WNT7B: variants seen among roughly 807,000 people sequenced by gnomAD.
WNT7B encodes protein Wnt-7b.
A neutral mutation model predicts 38.2 loss-of-function variants in WNT7B; 19 were observed. The observed-to-expected ratio is 0.50, with a 90% CI of 0.35 to 0.73. The LOEUF (loss-of-function observed/expected upper bound fraction) is 0.73, where lower values mean the gene tolerates loss of function less well. Among genes scored for constraint, WNT7B ranks in the 30% least tolerant of loss-of-function variants. The pLI, the probability that WNT7B is intolerant of heterozygous loss-of-function variation, is 0.01. For missense variants in WNT7B, 423 were observed against 507.9 expected (o/e 0.83, Z 1.61); for synonymous variants, 243 against 209.3 (o/e 1.16, Z -1.39).
At chr22:45,929,659 C>T (rs867944931) in intron 3 of WNT7B, among the ~76,000 whole-genome samples, 1,743 of 96,582 alleles carry the variant, frequency 0.018, 47 homozygotes, top group African/African-American at 0.08. Context: ...CATCCTTCCA[C>T]CCACCCGCCC....
At chr22:45,974,858 A>G (rs964798180) in intron 1 of WNT7B, among the ~76,000 whole-genome samples, 5 of 152,104 alleles carry the variant, frequency 3.3e-5, no homozygotes, top group Non-Finnish European at 1.5e-5. Context: ...CTGTTTACAG[A>G]AGGGACCAGG....
At chr22:45,929,517 C>G (rs1018709972) in intron 3 of WNT7B, among the ~76,000 whole-genome samples, 1 of 139,450 alleles carries the variant, frequency 7.2e-6, no homozygotes, top group African/African-American at 2.6e-5. Flanking sequence ...CCAATACTTC[C>G]GTCCATCTTT....
At chr22:45,955,442 T>C (rs1932035979) in intron 1 of WNT7B, among the ~76,000 whole-genome samples, 1 of 152,210 alleles carries the variant, frequency 6.6e-6, no homozygotes, top group Non-Finnish European at 1.5e-5. Context: ...GGGCCGGCCA[T>C]GGGCACCCTC....
At chr22:45,967,089 G>C (rs925616432) in intron 1 of WNT7B, among the ~76,000 whole-genome samples, 1 of 152,204 alleles carries the variant, frequency 6.6e-6, no homozygotes, top group Non-Finnish European at 1.5e-5. Context: ...GACAAGGAAG[G>C]GGGGAGGGAG....
intron 2 of WNT7B, among the ~76,000 whole-genome samples, chr22:45,933,803 A>G (rs1204723579): frequency 5.9e-5 from 9 of 152,166 alleles, no homozygotes; most frequent in Non-Finnish European, 1.3e-4. Flanking sequence ...CGGCCTGGGC[A>G]CACAGAGGCA....
rs896541888 is a variant in WNT7B, at chr22:45,966,767, T to C, written c.71+9917A>G. 2.0e-5 allele frequency among the ~76,000 whole-genome samples: 3 copies of C among 152,192 alleles called. No individual in the cohort carries two copies. Among genetic ancestry groups the C allele is most frequent in the African/African-American group, 4.8e-5 (2 of 41,452 alleles). On this transcript the variant is annotated intron_variant, in intron 1 of 3. Transcript: ENST00000339464. The surrounding 1 kb of genome is among the most constrained non-coding windows in gnomAD (Gnocchi z 4.2). ...AGCCTGGGGATGGAGGAAGTGTCGA[T>C]GGCCCTGTGCCAAGCCTCACTTGCC...
intron 3 of WNT7B, among the ~76,000 whole-genome samples, chr22:45,928,254 C>A (rs947071343): frequency 6.6e-6 from 1 of 152,130 alleles, no homozygotes; most frequent in Non-Finnish European, 1.5e-5. Flanking sequence ...GGGCTAGGGC[C>A]CCAGCACCAA....
chr22:45,975,549 A>T lies in WNT7B; in HGVS notation c.71+1135T>A. 1 of 716,964 alleles carries T rather than the reference A, an allele frequency of 1.4e-6. No homozygotes were observed. Among genetic ancestry groups the T allele is most frequent in the Non-Finnish European group, 2.6e-6 (1 of 384,774 alleles). 44.4% of individuals were successfully genotyped at this position (716,964 alleles called of 1,614,324 possible). Reference sequence around the variant, plus strand: ...CTTGGGCCTCAGTTTCTCCACCTGTAAAATGGCGGGGCAGACATGGGATGG... The same window carrying T: ...CTTGGGCCTCAGTTTCTCCACCTGTTAAATGGCGGGGCAGACATGGGATGG... On this transcript the variant is annotated intron_variant, in intron 1 of 3. Transcript: ENST00000339464. The surrounding 1 kb of genome is among the most constrained non-coding windows in gnomAD (Gnocchi z 6.6).
chr22:45,956,257 A>G (rs73888730), intron 1 of WNT7B, among the ~76,000 whole-genome samples: 7,953 of 152,250 alleles, frequency 0.052, 626 homozygotes, highest in African/African-American at 0.17. Context: ...AACAGCTCCC[A>G]TCCATCTCAG....
intron 1 of WNT7B, among the ~76,000 whole-genome samples, chr22:45,970,012 T>A (rs545469054): frequency 4.2e-4 from 64 of 152,294 alleles, no homozygotes; most frequent in South Asian, 1.9e-3. Flanking sequence ...AACCAAGGTC[T>A]TCTCACTTTG....
chr22:45,977,021 C>T lies in WNT7B; in HGVS notation c.-267G>A, dbSNP rs1932567248. ...AGCCCGGTTGAGCGACCGTGGACCC[C>T]TGCAAGCGCGGGCCGGGGGCCCGGG... On this transcript the variant is annotated 5_prime_UTR_variant, in exon 1 of 4. Coordinates refer to ENST00000339464, the MANE Select transcript of WNT7B (RefSeq NM_058238.3). The T allele has an allele frequency of 2.0e-6, 2 of 985,326 alleles. No individual in the cohort carries two copies. Among genetic ancestry groups the T allele is most frequent in the South Asian group, 9.4e-5 (2 of 21,358 alleles). The allele number at this position is 985,326 out of a possible 1,614,324, so 61.0% of individuals were successfully genotyped here.
intron 2 of WNT7B, among the ~76,000 whole-genome samples, chr22:45,947,955 A>C (rs1471020882): frequency 1.3e-5 from 2 of 152,174 alleles, no homozygotes; most frequent in Non-Finnish European, 2.9e-5. Context: ...GGGACCCCAC[A>C]GTGATGCCCA....
chr22:45,967,087 A>T (rs1932327938), intron 1 of WNT7B, among the ~76,000 whole-genome samples: 1 of 152,172 alleles, frequency 6.6e-6, no homozygotes, highest in African/African-American at 2.4e-5. Flanking sequence ...AAGACAAGGA[A>T]GGGGGGAGGG....
intron 2 of WNT7B, among the ~76,000 whole-genome samples, chr22:45,942,056 A>G (rs923823329): frequency 6.6e-6 from 1 of 151,864 alleles, no homozygotes; most frequent in African/African-American, 2.4e-5. Context: ...CCCCTACCCC[A>G]CCTGATTCCC....
At chr22:45,955,962 C>CTTGGT (rs1044450336) in intron 1 of WNT7B, among the ~76,000 whole-genome samples, 19 of 152,258 alleles carry the variant, frequency 1.2e-4, no homozygotes, top group Non-Finnish European at 2.1e-4. Flanking sequence ...GCGGGACGAC[C>CTTGGT]TTGGTCTTTG....
intron 1 of WNT7B, among the ~76,000 whole-genome samples, chr22:45,967,032 G>C (rs1932326394): frequency 6.6e-6 from 1 of 152,222 alleles, no homozygotes; most frequent in Admixed American, 6.5e-5. Context: ...AACGCCCTGG[G>C]TGAGGGGCAG....
intron 2 of WNT7B, chr22:45,936,256 T>G (rs1931511684): frequency 1.2e-6 from 1 of 826,776 alleles, no homozygotes; most frequent in Non-Finnish European, 1.5e-6. Context: ...AATCCTCACC[T>G]TGCTGCACAG....
chr22:45,964,835 T>C (rs575569712), intron 1 of WNT7B, among the ~76,000 whole-genome samples: 4 of 152,258 alleles, frequency 2.6e-5, no homozygotes, highest in South Asian at 2.1e-4. Flanking sequence ...ACCCTAGACC[T>C]GGCCAAGCAC....
chr22:45,927,595 C>G (rs1397209914), intron 3 of WNT7B: 1 of 993,880 alleles, frequency 1.0e-6, no homozygotes. Context: ...TGAGAGTGTC[C>G]ATATAAGAGA....
Sources: allele counts gnomAD v4.1 joint callset (sites outside exome capture counted in the v4.1 genomes callset), GRCh38; gene constraint gnomAD v4.1.1; non-coding constraint Gnocchi (gnomAD v3.1); transcripts MANE v1.5; gene names NCBI Gene and HGNC (gene_info 2026-07-23, HGNC 2026-07-21).